ROBO1: variants seen among roughly 807,000 people sequenced by gnomAD.
The protein encoded by ROBO1 is roundabout guidance receptor 1, also known as roundabout homolog 1.
A neutral mutation model predicts 195.9 loss-of-function variants in ROBO1; 149 were observed. The ratio of observed to expected loss-of-function variants is 0.76; its 90% CI spans 0.67 to 0.87. ROBO1 has a LOEUF of 0.87. ROBO1 is among the 40% of genes least tolerant of loss of function. ROBO1 has a pLI of 0.00. For synonymous variants in ROBO1, 816 were observed against 733.2 expected (o/e 1.11, Z -1.82); for missense variants, 1,933 against 2,068.3 (o/e 0.93, Z 1.27).
chr3:79,369,016 A>T (rs1208976387), intron 2 of ROBO1, among the ~76,000 whole-genome samples: 1 of 152,246 alleles, frequency 6.6e-6, no homozygotes, highest in Non-Finnish European at 1.5e-5. Context: ...CTTATTGTGC[A>T]TAACCAGTAC....
At chr3:78,643,514 G>A (rs1052127921) in intron 21 of ROBO1, among the ~76,000 whole-genome samples, 2 of 152,174 alleles carry the variant, frequency 1.3e-5, no homozygotes, top group African/African-American at 2.4e-5. Flanking sequence ...TACATGCACA[G>A]TGTAGTAAGG....
At chr3:79,277,131 G>GA (rs938679781) in intron 2 of ROBO1, among the ~76,000 whole-genome samples, 47 of 151,758 alleles carry the variant, frequency 3.1e-4, no homozygotes, top group Non-Finnish European at 5.6e-4. Flanking sequence ...ATACCCAAAA[G>GA]AAAAAAAATT....
chr3:79,270,369 C>T (rs1353020644), intron 2 of ROBO1, among the ~76,000 whole-genome samples: 1 of 151,518 alleles, frequency 6.6e-6, no homozygotes, highest in Admixed American at 6.6e-5. Flanking sequence ...TGTTATTTTC[C>T]ATTGGTATGC....
intron 2 of ROBO1, among the ~76,000 whole-genome samples, chr3:79,569,233 A>G (rs1943193880): frequency 6.6e-6 from 1 of 152,218 alleles, no homozygotes; most frequent in Non-Finnish European, 1.5e-5. Flanking sequence ...CCTTAAACTA[A>G]CGCTGTCAAA....
At chr3:78,711,444 C>CTTCTTTCTTTCT (rs2081739627) in intron 8 of ROBO1, among the ~76,000 whole-genome samples, 1 of 61,730 alleles carries the variant, frequency 1.6e-5, no homozygotes, top group Non-Finnish European at 3.3e-5. Flanking sequence ...TCTTTCTTTC[C>CTTCTTTCTTTCT]TTCCTTCCTT....
At chr3:79,212,531 T>C (rs1045740857) in intron 2 of ROBO1, among the ~76,000 whole-genome samples, 3 of 152,124 alleles carry the variant, frequency 2.0e-5, no homozygotes, top group African/African-American at 7.2e-5. Context: ...ACCATAAACA[T>C]GGATCCTAGG....
chr3:78,799,009 A>C (rs1022541822), intron 4 of ROBO1, among the ~76,000 whole-genome samples: 3 of 152,164 alleles, frequency 2.0e-5, no homozygotes, highest in African/African-American at 7.2e-5. Context: ...CCATGAGAAG[A>C]ATCAGCTTGG....
intron 4 of ROBO1, among the ~76,000 whole-genome samples, chr3:78,894,307 A>G (rs1044949402): frequency 6.6e-5 from 10 of 152,188 alleles, no homozygotes; most frequent in African/African-American, 2.2e-4. Context: ...TATTTCTACT[A>G]AATTTTAAAT....
chr3:79,319,047 T>C (rs2109121596), intron 2 of ROBO1, among the ~76,000 whole-genome samples: 1 of 152,364 alleles, frequency 6.6e-6, no homozygotes, highest in South Asian at 2.1e-4. Flanking sequence ...TAGTGAATTC[T>C]GGGCTTTTGG....
intron 3 of ROBO1, among the ~76,000 whole-genome samples, chr3:78,999,396 C>T (rs972887161): frequency 6.6e-6 from 1 of 152,056 alleles, no homozygotes; most frequent in Non-Finnish European, 1.5e-5. Flanking sequence ...TTTGCAGCAA[C>T]ATGGATACAG....
intron 4 of ROBO1, among the ~76,000 whole-genome samples, chr3:78,922,781 T>A (rs2039014684): frequency 6.6e-6 from 1 of 151,968 alleles, no homozygotes; most frequent in East Asian, 1.9e-4. Context: ...GGCTAACTTT[T>A]GTATTTTTAG....
intron 2 of ROBO1, among the ~76,000 whole-genome samples, chr3:79,478,765 G>C (rs1204752820): frequency 6.6e-6 from 1 of 152,044 alleles, no homozygotes; most frequent in African/African-American, 2.4e-5. Context: ...CCATTCTGTA[G>C]CTCTCCCAGG....
Position 78,617,985 on chromosome 3 carries a change from T to C in ROBO1, c.3932A>G (p.Tyr1311Cys), listed in dbSNP as rs144314391. The C allele has an allele frequency of 1.7e-5, 27 of 1,613,886 alleles. No individual in the cohort carries two copies. In the East Asian group the frequency reaches 5.4e-4, roughly 32 times the overall value. ...GACCAGGGGTCCTGAAATGTAGCCA[T>C]AGGTATGTGGAGGGGAGATCGGCCG... is the stretch of plus-strand genomic sequence containing the variant. ...PPRPISPPHT[Y>C]GYISGPLVSD... The change falls in exon 27 of 31, where the codon TAT becomes TGT. Residue 1311 changes from tyrosine to cysteine, a missense_variant. Physicochemically the swap from Tyr to Cys is radical, Grantham distance 194. Around this residue, in one of 3 missense-constraint regions of ROBO1, gnomAD observed 1,737 missense variants for 1,882.5 expected, o/e 0.92. Coordinates refer to ENST00000464233, the MANE Select transcript of ROBO1 (RefSeq NM_002941.4).
chr3:79,195,727 T>C (rs1576799828), intron 2 of ROBO1, among the ~76,000 whole-genome samples: 1 of 151,644 alleles, frequency 6.6e-6, no homozygotes, highest in South Asian at 2.1e-4. Context: ...CATTTGAAAC[T>C]ATTGTATTGA....
chr3:78,935,633 G>A (rs909532947), intron 4 of ROBO1, among the ~76,000 whole-genome samples: 14 of 151,942 alleles, frequency 9.2e-5, no homozygotes, highest in Non-Finnish European at 1.0e-4. Context: ...AATACAACTC[G>A]TAAGACCTTC....
chr3:79,727,685 G>A (rs912334856), intron 1 of ROBO1, among the ~76,000 whole-genome samples: 8 of 152,046 alleles, frequency 5.3e-5, no homozygotes, highest in Non-Finnish European at 8.8e-5. Flanking sequence ...GCAATCTATG[G>A]AAACATTTTT....
At chr3:78,667,776 C>T (rs1286707499) in intron 14 of ROBO1, 107 bp downstream of exon 14, 7 of 1,140,378 alleles carry the variant, frequency 6.1e-6, no homozygotes, top group South Asian at 1.7e-5. Flanking sequence ...ACTTGAACAA[C>T]ACACTGTAAA....
chr3:79,531,864 A>G (rs1941676371), intron 2 of ROBO1, among the ~76,000 whole-genome samples: 1 of 152,194 alleles, frequency 6.6e-6, no homozygotes, highest in East Asian at 1.9e-4. Context: ...TATGAATTTA[A>G]AAGCATAAAT....
intron 4 of ROBO1, among the ~76,000 whole-genome samples, chr3:78,782,284 C>T (rs2083700829): frequency 6.6e-6 from 1 of 151,770 alleles, no homozygotes; most frequent in Non-Finnish European, 1.5e-5. Context: ...GTAACCTGTG[C>T]CTCCTAGGTT....
Sources: allele counts gnomAD v4.1 joint callset (sites outside exome capture counted in the v4.1 genomes callset), GRCh38; gene constraint gnomAD v4.1.1; regional missense constraint gnomAD v4.1.1; transcripts MANE v1.5; gene names NCBI Gene and HGNC (gene_info 2026-07-23, HGNC 2026-07-21).